The following SERF2 variants were observed in gnomAD, a reference collection of about 807,000 sequenced individuals.
The protein encoded by SERF2 is gastric cancer-related protein VRG107.
SERF2 carries 4 observed loss-of-function variants against 10.7 expected under a neutral mutation model. The ratio of observed to expected loss-of-function variants is 0.37; its 90% CI spans 0.18 to 0.86. SERF2 has a LOEUF of 0.86. Ranked by LOEUF, SERF2 falls within the 40% of genes least tolerant of loss-of-function variation. SERF2 has a pLI of 0.43. For missense variants in SERF2, 47 were observed against 79.1 expected (o/e 0.59, Z 1.54); for synonymous variants, 26 against 26.0 (o/e 1.00, Z 0.01).
At chr15:43,781,042 C>G (rs2086960163) in intron 1 of SERF2, among the ~76,000 whole-genome samples, 1 of 152,130 alleles carries the variant, frequency 6.6e-6, no homozygotes, top group Non-Finnish European at 1.5e-5. Context: ...CAACACTACT[C>G]TTGCATTTTG....
At chr15:43,785,914 C>T (rs1334359506) in intron 2 of SERF2, among the ~76,000 whole-genome samples, 1 of 151,544 alleles carries the variant, frequency 6.6e-6, no homozygotes, top group Non-Finnish European at 1.5e-5. Context: ...CCATGTTGGC[C>T]AGGCTGGTCT....
intron 1 of SERF2, among the ~76,000 whole-genome samples, chr15:43,782,161 T>G (rs1204326949): frequency 1.3e-5 from 2 of 152,072 alleles, no homozygotes; most frequent in Non-Finnish European, 2.9e-5. Flanking sequence ...AGTGCTAGGA[T>G]TACAAGCGTG....
At position 43,795,727 on chromosome 15, in the gene SERF2, G is replaced by A; in HGVS notation, c.*1954G>A. On this transcript the variant is annotated 3_prime_UTR_variant, in exon 3 of 3. Coordinates refer to ENST00000249786, the MANE Select transcript of SERF2 (RefSeq NM_001018108.4). ...ACTGTTTCAGGGCAGCAGAAACACA[G>A]TGAGGGCTTCTGCAAAACAGAACGC... 1.9e-6 allele frequency: 3 copies of A among 1,613,970 alleles called. No individual in the cohort carries two copies. Among genetic ancestry groups the A allele is most frequent in the Admixed American group, 1.7e-5 (1 of 60,000 alleles).
Position 43,795,042 on chromosome 15 carries a change from G to A in SERF2, c.*1269G>A. The A allele has an allele frequency of 6.2e-7, 1 of 1,612,602 alleles. No homozygotes were observed. Among genetic ancestry groups the A allele is most frequent in the Non-Finnish European group, 8.5e-7 (1 of 1,179,950 alleles). On this transcript the variant is annotated 3_prime_UTR_variant, in exon 3 of 3. Transcript: ENST00000249786. ...TGTTATCTGGGGATATGATGCGGTG[G>A]CGGCGGCGCCTCAAGATAAGGGGCT...
chr15:43,792,340 G>C lies in SERF2; in HGVS notation c.-37G>C. 1 of 1,534,372 alleles carries C rather than the reference G, an allele frequency of 6.5e-7. No homozygotes were observed. Among genetic ancestry groups the C allele is most frequent in the Non-Finnish European group, 9.0e-7 (1 of 1,107,416 alleles). ...CCTGCAACGTCCGACAGAACGAGGG[G>C]ACGTAACGGAGGCAGGTTGGAGCCG... On this transcript the variant is annotated 5_prime_UTR_variant, in exon 1 of 3. Coordinates refer to ENST00000249786, the MANE Select transcript of SERF2 (RefSeq NM_001018108.4).
chr15:43,792,796 GC>G lies in SERF2; in HGVS notation c.8-176del, dbSNP rs2087097623. On this transcript the variant is annotated intron_variant, in intron 1 of 2. Transcript: ENST00000249786. ...CTTCTCTAGTCCGTATTTTGACCTG[GC>G]CCGTGGCAGATTCGCCACTCCCCCC... 4.4e-6 allele frequency: 3 copies of G among 680,612 alleles called. No individual in the cohort carries two copies. In the South Asian group the frequency reaches 5.9e-5, roughly 13 times the overall value. The allele number at this position is 680,612 out of a possible 1,614,324, so 42.2% of individuals were successfully genotyped here.
At chr15:43,793,424 C>G (rs2087119154) in intron 2 of SERF2, 2 of 757,746 alleles carry the variant, frequency 2.6e-6, no homozygotes, top group Non-Finnish European at 4.1e-6. Flanking sequence ...CCTCCCTTCT[C>G]CCAACCTCCT....
rs550642299 is a variant in SERF2, at chr15:43,777,784, C to T, written c.-527+282C>T. On this transcript the variant is annotated intron_variant, in intron 1 of 4. Transcript: ENST00000381359. ...CCCCAGCACCAACCTCTGGCCAGCC[C>T]TTGGTGTCTCCACTTGTTCCTGTTT... is the stretch of plus-strand genomic sequence containing the variant. 7.2e-5 allele frequency among the ~76,000 whole-genome samples: 11 copies of T among 152,176 alleles called. No homozygotes were observed. The South Asian group carries it at 1.7e-3, about 23-fold the overall frequency.
At chr15:43,786,217 C>T (rs1005928748) in intron 2 of SERF2, among the ~76,000 whole-genome samples, 2 of 151,626 alleles carry the variant, frequency 1.3e-5, no homozygotes, top group African/African-American at 4.8e-5. Context: ...AGGTCGAGAC[C>T]ATCCTGACTA....
At chr15:43,784,559 T>A (rs934438318) in intron 1 of SERF2, among the ~76,000 whole-genome samples, 2 of 150,728 alleles carry the variant, frequency 1.3e-5, no homozygotes. Context: ...AGCTCCGCCT[T>A]CCGGGTTCAC....
At chr15:43,792,316 C>A, upstream of SERF2, 1 of 1,426,776 alleles carries the variant, frequency 7.0e-7, no homozygotes. Context: ...GGGGCGGGAC[C>A]TGCAACGTCC....
intron 1 of SERF2, among the ~76,000 whole-genome samples, chr15:43,781,335 A>C (rs2086962203): frequency 6.6e-6 from 1 of 152,116 alleles, no homozygotes; most frequent in South Asian, 2.1e-4. Flanking sequence ...CAGGTGGACC[A>C]TTTGAGGTCA....
chr15:43,790,223 C>T (rs1027900865), upstream of SERF2, among the ~76,000 whole-genome samples: 9 of 150,032 alleles, frequency 6.0e-5, no homozygotes, highest in South Asian at 2.1e-4. Context: ...AAAGGAGAAT[C>T]GCTTGAATAC....
rs372987044 is a variant in SERF2, at chr15:43,781,524, AAAAC to A, written c.-526-3878_-526-3875del. Among the ~76,000 whole-genome samples, 1,147 of 152,166 alleles carry A rather than the reference AAAAC, an allele frequency of 7.5e-3. 15 individuals are homozygous for A. The highest frequency in any genetic ancestry group is 0.026 in the African/African-American group (1,083 of 41,488). On this transcript the variant is annotated intron_variant, in intron 1 of 4. Transcript: ENST00000381359. ...CTGAGATAGAGCAAGGTCTGTCTCA[AAAAC>A]AAACAAAACAAACAAACAAACAAAC...
rs1191813550 is a variant in SERF2 at position 43,795,347 on chromosome 15, C to G, written c.*1574C>G. ...TTGAATTGCTCTTTCCTTAAAATAG[C>G]TAGCTCTTCAGGAGAGTATCTAAGG... On this transcript the variant is annotated 3_prime_UTR_variant, in exon 3 of 3. Transcript: ENST00000249786. 3 of 1,610,208 alleles carry G rather than the reference C, an allele frequency of 1.9e-6. No homozygotes were observed. The highest frequency in any genetic ancestry group is 2.5e-6 in the Non-Finnish European group (3 of 1,176,832).
chr15:43,786,434 A>G (rs940195399), intron 2 of SERF2, among the ~76,000 whole-genome samples: 1 of 150,688 alleles, frequency 6.6e-6, no homozygotes, highest in Non-Finnish European at 1.5e-5. Flanking sequence ...AAAAAAAAAA[A>G]GCTGGTTGAC....
upstream of SERF2, among the ~76,000 whole-genome samples, chr15:43,791,577 T>C (rs925537129): frequency 5.3e-5 from 8 of 152,194 alleles, no homozygotes; most frequent in African/African-American, 1.9e-4. Context: ...GTGGCGATGG[T>C]ACAGTAAGAA....
chr15:43,777,096 C>G (rs1303826961), upstream of SERF2: 4 of 877,550 alleles, frequency 4.6e-6, no homozygotes, highest in Non-Finnish European at 7.4e-6. Context: ...GCTTCGCTCT[C>G]CCCGGCCAAC....
Position 43,795,629 on chromosome 15 carries a change from GT to G in SERF2, c.*1858del. 4 of 1,598,280 alleles carry G rather than the reference GT, an allele frequency of 2.5e-6. No individual in the cohort carries two copies. Among genetic ancestry groups the G allele is most frequent in the Non-Finnish European group, 3.4e-6 (4 of 1,172,052 alleles). On this transcript the variant is annotated 3_prime_UTR_variant, in exon 3 of 3. Transcript: ENST00000249786. ...ACTACCTTTGTTAAGGCTCTTGAGG[GT>G]TCTTATGGCACTCCACAGAGATCTA... is the stretch of plus-strand genomic sequence containing the variant.
Sources: gnomAD v4.1 joint callset for allele counts (sites outside exome capture counted in the v4.1 genomes callset) on GRCh38, gnomAD v4.1.1 for gene constraint, MANE v1.5 for transcripts, NCBI Gene and HGNC (gene_info 2026-07-23, HGNC 2026-07-21) for gene names.